Variants in TUSC3 observed in about 807,000 individuals in gnomAD.
TUSC3 encodes dolichyl-diphosphooligosaccharide--protein glycosyltransferase subunit TUSC3.
In TUSC3, 45 loss-of-function variants were observed where a neutral mutation model predicts 44.8. That is an observed-to-expected ratio of 1.00 (90% CI 0.79 to 1.29). The LOEUF (loss-of-function observed/expected upper bound fraction) is 1.29. Ranked by LOEUF, TUSC3 falls within the 50% of genes most tolerant of loss-of-function variation. TUSC3 has a pLI of 0.00. For missense variants in TUSC3, 519 were observed against 437.9 expected, an observed-to-expected ratio of 1.19 and a Z score of -1.65; for synonymous variants, 212 against 152.9, an observed-to-expected ratio of 1.39 and a Z score of -2.85.
chr8:15,715,258 C>T (rs1470915965), intron 6 of TUSC3, among the ~76,000 whole-genome samples: 1 of 152,000 alleles, frequency 6.6e-6, no homozygotes. Flanking sequence ...AAATTAGGCA[C>T]AGTAAGAGAT....
chr8:15,546,991 A>G (rs1347618887), intron 1 of TUSC3, among the ~76,000 whole-genome samples: 1 of 151,826 alleles, frequency 6.6e-6, no homozygotes, highest in East Asian at 1.9e-4. Context: ...AAAGTCTAAG[A>G]TAGAATAGCA....
At chr8:15,489,487 G>C (rs950962205) in intron 2 of TUSC3, among the ~76,000 whole-genome samples, 2 of 152,134 alleles carry the variant, frequency 1.3e-5, no homozygotes, top group African/African-American at 4.8e-5. Flanking sequence ...AAAAACACCT[G>C]GAAAGGGAAG....
chr8:15,631,709 T>C (rs912880758), intron 2 of TUSC3, among the ~76,000 whole-genome samples: 2 of 138,596 alleles, frequency 1.4e-5, no homozygotes, highest in South Asian at 2.4e-4. Flanking sequence ...TGTGTGTGTG[T>C]TTTGTTTTGT....
At chr8:15,690,064 C>G (rs1808832663) in intron 6 of TUSC3, among the ~76,000 whole-genome samples, 1 of 151,974 alleles carries the variant, frequency 6.6e-6, no homozygotes, top group African/African-American at 2.4e-5. Context: ...GTAATTAATT[C>G]TGTTTTAAGC....
the TUSC3 span, among the ~76,000 whole-genome samples, chr8:15,783,437 C>G: frequency 6.6e-6 from 1 of 152,086 alleles, no homozygotes; most frequent in African/African-American, 2.4e-5. Context: ...GCAAAAAGAA[C>G]AAAGCTGGAG....
chr8:15,585,435 G>C (rs933905604), intron 1 of TUSC3, among the ~76,000 whole-genome samples: 1 of 152,198 alleles, frequency 6.6e-6, no homozygotes, highest in Admixed American at 6.5e-5. Context: ...AGGTTGGAGC[G>C]AAAGTTTAAT....
At chr8:15,590,238 C>A (rs929623549) in intron 1 of TUSC3, among the ~76,000 whole-genome samples, 1 of 152,114 alleles carries the variant, frequency 6.6e-6, no homozygotes, top group Non-Finnish European at 1.5e-5. Flanking sequence ...GGTTTCAGGC[C>A]TTTATGTCTT....
intron 6 of TUSC3, among the ~76,000 whole-genome samples, chr8:15,714,452 G>A (rs1809985673): frequency 6.6e-6 from 1 of 152,068 alleles, no homozygotes; most frequent in South Asian, 2.1e-4. Flanking sequence ...TTACAATAAA[G>A]GCACTACATT....
chr8:15,486,093 T>A (rs1267611000), intron 2 of TUSC3, among the ~76,000 whole-genome samples: 1 of 152,176 alleles, frequency 6.6e-6, no homozygotes, highest in East Asian at 1.9e-4. Flanking sequence ...TTGCCCAGCT[T>A]ACTCTGTTGT....
chr8:15,682,108 T>TGAAA (rs1808451007), intron 6 of TUSC3, among the ~76,000 whole-genome samples: 1 of 152,178 alleles, frequency 6.6e-6, no homozygotes, highest in East Asian at 1.9e-4. Context: ...CGAGTATGTT[T>TGAAA]CATGTTCAGA....
At chr8:15,649,355 C>T (rs1254553616) in intron 2 of TUSC3, among the ~76,000 whole-genome samples, 1 of 151,780 alleles carries the variant, frequency 6.6e-6, no homozygotes, top group Non-Finnish European at 1.5e-5. Context: ...GAGGCCGAGG[C>T]GGGCAGATCA....
chr8:15,557,947 C>T (rs1256103436), intron 1 of TUSC3, among the ~76,000 whole-genome samples: 3 of 71,098 alleles, frequency 4.2e-5, no homozygotes, highest in African/African-American at 9.5e-5. Context: ...ATGTCGTCTG[C>T]AAACAGGGAC....
the TUSC3 span, among the ~76,000 whole-genome samples, chr8:15,826,307 A>G: frequency 6.6e-6 from 1 of 152,188 alleles, no homozygotes; most frequent in Non-Finnish European, 1.5e-5. Context: ...CCACACCTCA[A>G]CTATAATCAT....
intron 2 of TUSC3, among the ~76,000 whole-genome samples, chr8:15,497,199 C>G (rs1459446866): frequency 1.3e-5 from 2 of 152,110 alleles, no homozygotes; most frequent in Non-Finnish European, 2.9e-5. Flanking sequence ...TAAGTTTGAG[C>G]AGGGACTTGG....
chr8:15,788,808 C>G, the TUSC3 span, among the ~76,000 whole-genome samples: 70 of 152,266 alleles, frequency 4.6e-4, no homozygotes, highest in Middle Eastern at 6.8e-3. Context: ...CATCATTTCA[C>G]ACTAAGTAGG....
chr8:15,465,074 T>C (rs1226196045), intron 1 of TUSC3, among the ~76,000 whole-genome samples: 1 of 152,152 alleles, frequency 6.6e-6, no homozygotes, highest in Non-Finnish European at 1.5e-5. Flanking sequence ...GGTCTTGAAC[T>C]CCTGACCTCG....
At chr8:15,629,372 A>G (rs1015359363) in intron 2 of TUSC3, among the ~76,000 whole-genome samples, 1 of 152,134 alleles carries the variant, frequency 6.6e-6, no homozygotes, top group African/African-American at 2.4e-5. Context: ...AATCCATATG[A>G]TAGTGGGCAG....
At chr8:15,706,900 G>T (rs773738686) in intron 6 of TUSC3, among the ~76,000 whole-genome samples, 6 of 151,806 alleles carry the variant, frequency 4.0e-5, no homozygotes, top group South Asian at 2.1e-4. Context: ...GTTGTAGGGC[G>T]CAAGAAGTTC....
chr8:15,673,435 C>G (rs1329235476), intron 5 of TUSC3, among the ~76,000 whole-genome samples: 1 of 152,064 alleles, frequency 6.6e-6, no homozygotes, highest in African/African-American at 2.4e-5. Flanking sequence ...GTGCTTCTGA[C>G]TGGCTCAGGT....
Sources: gnomAD v4.1 joint callset for allele counts (sites outside exome capture counted in the v4.1 genomes callset) on GRCh38, gnomAD v4.1.1 for gene constraint, MANE v1.5 for transcripts, NCBI Gene and HGNC (gene_info 2026-07-23, HGNC 2026-07-21) for gene names.